Variants in TENM2 observed in about 807,000 individuals in gnomAD.
TENM2 encodes the protein teneurin transmembrane protein 2.
A neutral mutation model predicts 245.2 loss-of-function variants in TENM2; 52 were observed. The ratio of observed to expected loss-of-function variants is 0.21; its 90% CI spans 0.17 to 0.27. The LOEUF (loss-of-function observed/expected upper bound fraction) is 0.27. TENM2 is among the 10% of genes least tolerant of loss of function. The pLI, the probability that TENM2 is intolerant of heterozygous loss-of-function variation, is 1.00. For synonymous variants in TENM2, 1,363 were observed against 1,438.9 expected (o/e 0.95, Z 1.19); for missense variants, 3,046 against 3,666.8 (o/e 0.83, Z 4.37).
In TENM2 at chr5:168,247,721, A is replaced by C. The variant is rs1296640264; in HGVS notation, c.6782A>C (p.Gln2261Pro). The change falls in exon 27 of 29, where the codon CAG (glutamine) becomes CCG (proline). Residue 2261 changes from glutamine to proline, a missense_variant. Transcript: ENST00000518659. The surrounding 1 kb of genome is among the most constrained non-coding windows in gnomAD (Gnocchi z 7.8). ...CGGATAACCAGACTCGGGGATGTGC[A>C]GTACAAAATTGACGACGATGGCTAT... The C allele has an allele frequency of 6.2e-7, 1 of 1,613,778 alleles. No homozygotes were observed. The highest frequency in any genetic ancestry group is 8.5e-7 in the Non-Finnish European group (1 of 1,179,896).
chr5:167,837,562 C>T (rs530253038), intron 2 of TENM2, among the ~76,000 whole-genome samples: 15 of 152,252 alleles, frequency 9.9e-5, no homozygotes, highest in Admixed American at 5.9e-4. Flanking sequence ...TGCTGACAAA[C>T]ATTTTTATGT....
At chr5:168,256,578 C>T (rs1767686452) in intron 27 of TENM2, among the ~76,000 whole-genome samples, 1 of 152,094 alleles carries the variant, frequency 6.6e-6, no homozygotes, top group Non-Finnish European at 1.5e-5. Flanking sequence ...GCTGCGTGCA[C>T]CACGCCCGGC....
the TENM2 span, among the ~76,000 whole-genome samples, chr5:167,060,207 A>G: frequency 5.9e-5 from 9 of 152,132 alleles, no homozygotes; most frequent in Non-Finnish European, 1.0e-4. Context: ...TCCTGGTGGT[A>G]CGATTAGAAT....
chr5:167,318,595 A>G (rs1756523247), intron 1 of TENM2, among the ~76,000 whole-genome samples: 1 of 152,176 alleles, frequency 6.6e-6, no homozygotes, highest in Non-Finnish European at 1.5e-5. Flanking sequence ...TAAGGCCTTC[A>G]CTGATACACT....
At chr5:167,355,107 T>C (rs1759223514) in intron 1 of TENM2, among the ~76,000 whole-genome samples, 1 of 151,986 alleles carries the variant, frequency 6.6e-6, no homozygotes, top group African/African-American at 2.4e-5. Context: ...ACACAGATTT[T>C]CTGTCTGTTT....
At chr5:167,440,894 G>T (rs1764844254) in intron 2 of TENM2, among the ~76,000 whole-genome samples, 1 of 151,872 alleles carries the variant, frequency 6.6e-6, no homozygotes. Flanking sequence ...AGCACTGTTT[G>T]GTTGTATCCA....
the TENM2 span, among the ~76,000 whole-genome samples, chr5:167,205,224 T>C: frequency 6.6e-5 from 10 of 151,890 alleles, no homozygotes; most frequent in African/African-American, 1.7e-4. Context: ...CTAATAAAAA[T>C]ACAAAAATTA....
downstream of TENM2, chr5:168,263,069 T>G: frequency 2.4e-6 from 1 of 417,482 alleles, no homozygotes; most frequent in Non-Finnish European, 4.3e-6. Flanking sequence ...ACACACAATG[T>G]TCCAAGTTCC....
At chr5:167,623,414 C>T (rs1397943299) in intron 2 of TENM2, among the ~76,000 whole-genome samples, 1 of 152,188 alleles carries the variant, frequency 6.6e-6, no homozygotes, top group Non-Finnish European at 1.5e-5. Flanking sequence ...AGATTCCCCA[C>T]TCCCAGTCGA....
chr5:166,990,034 A>T, the TENM2 span, among the ~76,000 whole-genome samples: 1 of 152,272 alleles, frequency 6.6e-6, no homozygotes, highest in South Asian at 2.1e-4. Context: ...ATAAATAGAC[A>T]AAGAAAGCAT....
chr5:168,225,994 C>T (rs1764144798), intron 23 of TENM2, 94 bp from the exon 26 acceptor site: 1 of 1,231,452 alleles, frequency 8.1e-7, no homozygotes. Flanking sequence ...CCCACCTTCC[C>T]AGCTCTTTCT....
chr5:168,073,269 G>A (rs1207193494), intron 7 of TENM2, among the ~76,000 whole-genome samples: 1 of 152,172 alleles, frequency 6.6e-6, no homozygotes, highest in Non-Finnish European at 1.5e-5. Context: ...GGAGGCTTGG[G>A]AGCATAAAAG....
chr5:167,496,020 G>A (rs563229066), intron 2 of TENM2, among the ~76,000 whole-genome samples: 2 of 152,040 alleles, frequency 1.3e-5, no homozygotes, highest in East Asian at 3.9e-4. Flanking sequence ...AAAATTCCTA[G>A]TGCAAGCAAA....
rs114489445 is a variant in TENM2 at position 167,608,286 on chromosome 5, C to T, written c.502+232813C>T. On this transcript the variant is annotated intron_variant, in intron 2 of 28. Transcript: ENST00000518659. ...TGGTGCTCAGAGATGCCAAGTGGCT[C>T]ATCTTGGGGACTGTCTCTTGTAGCA... Among the ~76,000 whole-genome samples, 671 of 152,282 alleles carry T rather than the reference C, an allele frequency of 4.4e-3. 9 individuals carry two copies. The highest frequency in any genetic ancestry group is 0.015 in the African/African-American group (630 of 41,580).
chr5:167,073,844 A>G, the TENM2 span, among the ~76,000 whole-genome samples: 14 of 152,314 alleles, frequency 9.2e-5, no homozygotes, highest in African/African-American at 3.4e-4. Flanking sequence ...AGCAAAGAGA[A>G]AATCATTAAG....
intron 2 of TENM2, among the ~76,000 whole-genome samples, chr5:167,554,954 T>C (rs2127628795): frequency 1.3e-5 from 2 of 151,844 alleles, no homozygotes; most frequent in African/African-American, 4.8e-5. Context: ...GCAAAGAAAA[T>C]CCTTATAAAT....
At chr5:168,210,496 A>G (rs1003629527) in intron 19 of TENM2, among the ~76,000 whole-genome samples, 6 of 152,236 alleles carry the variant, frequency 3.9e-5, no homozygotes, top group African/African-American at 1.4e-4. Flanking sequence ...ATTAAGCAAT[A>G]TAAAATAGAC....
chr5:168,015,916 G>T (rs1259693418), intron 5 of TENM2, among the ~76,000 whole-genome samples: 1 of 152,130 alleles, frequency 6.6e-6, no homozygotes, highest in East Asian at 1.9e-4. Context: ...TTGGCAGATG[G>T]GAAAACCAAG....
At chr5:167,686,929 G>A (rs543339824) in intron 2 of TENM2, among the ~76,000 whole-genome samples, 69 of 152,288 alleles carry the variant, frequency 4.5e-4, no homozygotes, top group Non-Finnish European at 8.4e-4. Context: ...AATCCAGGAG[G>A]AGAGAGGGAG....
Sources: gnomAD v4.1 joint callset for allele counts (sites outside exome capture counted in the v4.1 genomes callset) on GRCh38, gnomAD v4.1.1 for gene constraint, Gnocchi (gnomAD v3.1) non-coding constraint, MANE v1.5 for transcripts, NCBI Gene and HGNC (gene_info 2026-07-23, HGNC 2026-07-21) for gene names.